NRXN1: variants seen among roughly 807,000 people sequenced by gnomAD.
The protein encoded by NRXN1 is neurexin-1.
In NRXN1, 39 loss-of-function variants were observed where a neutral mutation model predicts 150.9. That is an observed-to-expected ratio of 0.26 (90% CI 0.20 to 0.34). The LOEUF (loss-of-function observed/expected upper bound fraction) is 0.34. Ranked by LOEUF, NRXN1 falls within the 10% of genes least tolerant of loss-of-function variation. The pLI is 1.00. For synonymous variants in NRXN1, 924 were observed against 757.0 expected (o/e 1.22, Z -3.62); for missense variants, 1,815 against 1,949.9 (o/e 0.93, Z 1.30).
intron 5 of NRXN1, among the ~76,000 whole-genome samples, chr2:50,745,672 T>C (rs1574326336): frequency 6.6e-6 from 1 of 152,030 alleles, no homozygotes; most frequent in African/African-American, 2.4e-5. Flanking sequence ...CTTACAATCA[T>C]GGTCGAAGGG....
intron 22 of NRXN1, among the ~76,000 whole-genome samples, chr2:49,927,320 AT>A (rs1414116569): frequency 6.6e-6 from 1 of 152,240 alleles, no homozygotes; most frequent in Non-Finnish European, 1.5e-5. Flanking sequence ...ATAATATTTG[AT>A]CACTAATTTA....
intron 5 of NRXN1, among the ~76,000 whole-genome samples, chr2:50,709,952 A>T (rs1694942843): frequency 6.6e-6 from 1 of 152,194 alleles, no homozygotes; most frequent in African/African-American, 2.4e-5. Flanking sequence ...ATATATTTTG[A>T]GTTGATACAT....
intron 21 of NRXN1, among the ~76,000 whole-genome samples, chr2:49,957,517 C>T (rs1675192141): frequency 6.6e-6 from 1 of 152,078 alleles, no homozygotes; most frequent in Admixed American, 6.6e-5. Flanking sequence ...AAGTTTCTCA[C>T]CTAAATTCAC....
intron 5 of NRXN1, among the ~76,000 whole-genome samples, chr2:50,643,484 T>C (rs1455157519): frequency 1.3e-5 from 2 of 151,922 alleles, no homozygotes; most frequent in Non-Finnish European, 2.9e-5. Context: ...TATTTCTAAT[T>C]AAGAAAACAT....
intron 18 of NRXN1, among the ~76,000 whole-genome samples, chr2:50,104,703 C>T (rs999413404): frequency 6.6e-6 from 1 of 152,004 alleles, no homozygotes; most frequent in South Asian, 2.1e-4. Context: ...TCCTAAATCA[C>T]ATGGCTAATA....
intron 17 of NRXN1, among the ~76,000 whole-genome samples, chr2:50,308,011 T>C (rs2074797041): frequency 6.6e-6 from 1 of 152,244 alleles, no homozygotes; most frequent in Non-Finnish European, 1.5e-5. Context: ...TTGACATATG[T>C]AATGAAATAT....
chr2:50,881,903 TA>T (rs1265034603), intron 5 of NRXN1, among the ~76,000 whole-genome samples: 1 of 151,680 alleles, frequency 6.6e-6, no homozygotes, highest in Non-Finnish European at 1.5e-5. Context: ...ACTGTTTTTT[TA>T]AAAAAATATA....
intron 5 of NRXN1, among the ~76,000 whole-genome samples, chr2:50,807,974 C>G (rs1257944907): frequency 6.6e-6 from 1 of 151,960 alleles, no homozygotes; most frequent in Non-Finnish European, 1.5e-5. Context: ...AAATATAATT[C>G]CCAATAAAGT....
intron 8 of NRXN1, among the ~76,000 whole-genome samples, chr2:50,595,986 T>C (rs1056659573): frequency 3.3e-5 from 5 of 152,332 alleles, no homozygotes; most frequent in African/African-American, 9.6e-5. Flanking sequence ...TCTTGGTTAT[T>C]TCCTCTAAGA....
At chr2:50,777,334 T>C (rs187334006) in intron 5 of NRXN1, among the ~76,000 whole-genome samples, 19 of 152,308 alleles carry the variant, frequency 1.2e-4, no homozygotes, top group Non-Finnish European at 2.4e-4. Flanking sequence ...TACAATTTTC[T>C]ATGGTCATAT....
At chr2:50,029,871 A>C (rs1422885296) in intron 21 of NRXN1, among the ~76,000 whole-genome samples, 1 of 152,124 alleles carries the variant, frequency 6.6e-6, no homozygotes, top group African/African-American at 2.4e-5. Flanking sequence ...AATGAACCTT[A>C]TAAGAATATC....
chr2:50,758,433 G>A (rs374650060), intron 5 of NRXN1, among the ~76,000 whole-genome samples: 208 of 151,874 alleles, frequency 1.4e-3, no homozygotes, highest in African/African-American at 5.0e-3. Flanking sequence ...AAGAAACAAA[G>A]GCTGATTATA....
intron 5 of NRXN1, among the ~76,000 whole-genome samples, chr2:50,773,213 C>G (rs761084195): frequency 3.9e-5 from 6 of 152,128 alleles, no homozygotes; most frequent in Admixed American, 6.6e-5. Flanking sequence ...AATCCACACT[C>G]CTGCTCTGTG....
chr2:50,934,381 C>A (rs1208112871), intron 2 of NRXN1, among the ~76,000 whole-genome samples: 1 of 152,142 alleles, frequency 6.6e-6, no homozygotes, highest in East Asian at 1.9e-4. Flanking sequence ...ATAAACTTCT[C>A]TTTTCCTCTT....
intron 17 of NRXN1, among the ~76,000 whole-genome samples, chr2:50,308,289 C>CTG (rs2074832580): frequency 6.6e-6 from 1 of 151,982 alleles, no homozygotes; most frequent in Non-Finnish European, 1.5e-5. Flanking sequence ...TGCTAACTAC[C>CTG]TTTCTACTGT....
At chr2:50,779,724 C>T (rs1004726897) in intron 5 of NRXN1, among the ~76,000 whole-genome samples, 5 of 151,898 alleles carry the variant, frequency 3.3e-5, no homozygotes, top group Non-Finnish European at 2.9e-5. Flanking sequence ...GCTGAGATCG[C>T]GCCACTGCAC....
intron 18 of NRXN1, among the ~76,000 whole-genome samples, chr2:50,109,098 G>A (rs1573960835): frequency 6.6e-6 from 1 of 152,046 alleles, no homozygotes; most frequent in Admixed American, 6.6e-5. Flanking sequence ...TTTGGCAAGT[G>A]TTTCTAAATA....
At chr2:50,459,833 T>A (rs1411178950) in intron 17 of NRXN1, among the ~76,000 whole-genome samples, 1 of 152,106 alleles carries the variant, frequency 6.6e-6, no homozygotes, top group African/African-American at 2.4e-5. Flanking sequence ...AAGTAAAATC[T>A]ATATAAAAAG....
At position 50,223,684 on chromosome 2, in the gene NRXN1, G is replaced by A. The variant is rs187164012; in HGVS notation, c.3546+13105C>T. ...TACTTTTCCTTTGAACACCTCTGTCGGGAAAATGTCCAATCAGCAAGAGCT... is the reference window on the plus strand; with the variant it reads ...TACTTTTCCTTTGAACACCTCTGTCAGGAAAATGTCCAATCAGCAAGAGCT... On this transcript the variant is annotated intron_variant, in intron 18 of 22. Coordinates refer to ENST00000401669, the MANE Select transcript of NRXN1 (RefSeq NM_001330078.2). Among the ~76,000 whole-genome samples, 209 of 151,918 alleles carry A rather than the reference G, an allele frequency of 1.4e-3. 3 individuals are homozygous for A. The highest frequency in any genetic ancestry group is 4.2e-4 in the South Asian group (2 of 4,818).
Sources: allele counts gnomAD v4.1 joint callset (sites outside exome capture counted in the v4.1 genomes callset), GRCh38; gene constraint gnomAD v4.1.1; transcripts MANE v1.5; gene names NCBI Gene and HGNC (gene_info 2026-07-23, HGNC 2026-07-21).